MTHFD2L: variants seen among roughly 807,000 people sequenced by gnomAD.
The protein encoded by MTHFD2L is bifunctional methylenetetrahydrofolate dehydrogenase/cyclohydrolase 2, mitochondrial.
In MTHFD2L, 29 loss-of-function variants were observed where a neutral mutation model predicts 34.9. The observed-to-expected ratio is 0.83, with a 90% confidence interval of 0.62 to 1.13. The LOEUF (loss-of-function observed/expected upper bound fraction) is 1.13. Ranked by LOEUF, MTHFD2L falls within the 50% of genes most tolerant of loss-of-function variation. MTHFD2L has a pLI of 0.00. For synonymous variants in MTHFD2L, 167 were observed against 155.7 expected, an observed-to-expected ratio of 1.07 and a Z score of -0.54; for missense variants, 481 against 446.5, an observed-to-expected ratio of 1.08 and a Z score of -0.70.
chr4:74,125,499 T>C (rs1722004710), exon 1 of MTHFD2L: 1 of 152,184 alleles, frequency 6.6e-6, no homozygotes, highest in African/African-American at 2.4e-5. Context: ...AAGAAGGTTG[T>C]GCAGATAGTC....
At chr4:74,194,993 C>T (rs1396916609) in intron 3 of MTHFD2L, 1 of 152,184 alleles carries the variant, frequency 6.6e-6, no homozygotes, top group Non-Finnish European at 1.5e-5. Flanking sequence ...TGAAGTTTTT[C>T]TTTTAACAGT....
chr4:74,121,736 T>G (rs1578212755), upstream of MTHFD2L, among the ~76,000 whole-genome samples: 1 of 147,738 alleles, frequency 6.8e-6, no homozygotes, highest in South Asian at 2.1e-4. Context: ...TGTATAATTA[T>G]ATATTATAAA....
In MTHFD2L at chr4:74,137,861, A is replaced by G. The variant is rs566337911; in HGVS notation, c.-297+12344A>G. The stretch of plus-strand genomic sequence containing the variant: ...AAGAGAAATAAGCCAAGCACAGACA[A>G]ACAAATATGGCATGTTCTTGCTCTT... On this transcript the variant is annotated intron_variant, in intron 1 of 7. Coordinates refer to the MTHFD2L transcript ENST00000433372. Among the ~76,000 whole-genome samples, 3 of 152,282 alleles carry G rather than the reference A, an allele frequency of 2.0e-5. No homozygotes were observed. In the South Asian group the frequency reaches 6.2e-4, roughly 32 times the overall value.
chr4:74,122,318 G>C (rs1039727006), upstream of MTHFD2L, among the ~76,000 whole-genome samples: 1 of 152,146 alleles, frequency 6.6e-6, no homozygotes, highest in Non-Finnish European at 1.5e-5. Flanking sequence ...CATGGTAGAA[G>C]GTGAAGGGGA....
At chr4:74,172,261 C>T (rs1380523972) in intron 1 of MTHFD2L, among the ~76,000 whole-genome samples, 1 of 152,142 alleles carries the variant, frequency 6.6e-6, no homozygotes, top group Non-Finnish European at 1.5e-5. Flanking sequence ...ATTTTCTTGA[C>T]TATAGTGATG....
At chr4:74,260,958 A>T (rs555766167) in intron 6 of MTHFD2L, among the ~76,000 whole-genome samples, 1 of 151,888 alleles carries the variant, frequency 6.6e-6, no homozygotes, top group South Asian at 2.1e-4. Flanking sequence ...TTAAGCTATC[A>T]ATATTTGGTG....
chr4:74,129,603 T>C (rs537663373), intron 1 of MTHFD2L, among the ~76,000 whole-genome samples: 4 of 152,174 alleles, frequency 2.6e-5, no homozygotes, highest in Non-Finnish European at 5.9e-5. Context: ...GGAAAATTTA[T>C]AGCACTAAAT....
At chr4:74,257,462 A>G (rs919535446) in intron 6 of MTHFD2L, among the ~76,000 whole-genome samples, 1 of 152,180 alleles carries the variant, frequency 6.6e-6, no homozygotes, top group East Asian at 1.9e-4. Flanking sequence ...TTGTACCCAA[A>G]AGGGAACAGA....
intron 3 of MTHFD2L, among the ~76,000 whole-genome samples, chr4:74,177,661 T>C (rs1371795): frequency 0.28 from 42,492 of 151,780 alleles, 7,408 homozygotes; most frequent in East Asian, 0.58. Flanking sequence ...GAATGTAAAT[T>C]GGTACAGTCA....
intron 6 of MTHFD2L, among the ~76,000 whole-genome samples, chr4:74,270,572 A>G (rs1449172840): frequency 1.3e-5 from 2 of 152,132 alleles, no homozygotes; most frequent in Admixed American, 6.6e-5. Context: ...GTCTATCATT[A>G]ATGGACATTT....
At chr4:74,284,039 C>A (rs1451819117) in intron 7 of MTHFD2L, among the ~76,000 whole-genome samples, 1 of 152,104 alleles carries the variant, frequency 6.6e-6, no homozygotes, top group Non-Finnish European at 1.5e-5. Context: ...TTCACTATAA[C>A]TATAGCCAAG....
intron 6 of MTHFD2L, among the ~76,000 whole-genome samples, chr4:74,249,816 T>A (rs1312469446): frequency 6.6e-6 from 1 of 152,242 alleles, no homozygotes. Flanking sequence ...GCCCCCACTC[T>A]CTTCTGGCTC....
At chr4:74,118,415 T>C (rs1721692267), upstream of MTHFD2L, among the ~76,000 whole-genome samples, 1 of 152,174 alleles carries the variant, frequency 6.6e-6, no homozygotes, top group Admixed American at 6.5e-5. Context: ...ACTTTTCTTA[T>C]AAAACAAAAT....
rs1318392080 is a variant in MTHFD2L, at chr4:74,158,133, G to A, written c.-6G>A. 3 of 1,530,734 alleles carry A rather than the reference G, an allele frequency of 2.0e-6. No homozygotes were observed. The highest frequency in any genetic ancestry group is 1.4e-5 in the African/African-American group (1 of 72,856). 94.8% of individuals were successfully genotyped at this position (1,530,734 alleles called of 1,614,324 possible). A position where few individuals can be genotyped will look rare whatever the true frequency, so the allele number is the denominator to read the frequency against. ...GCCCCAGTCCGGAAGCCGGGGATCC[G>A]CGGCCATGACGGTGCCGGTCCGCGG... On this transcript the variant is annotated 5_prime_UTR_variant, in exon 1 of 8. Coordinates refer to ENST00000325278, the MANE Select transcript of MTHFD2L (RefSeq NM_001144978.3).
intron 3 of MTHFD2L, among the ~76,000 whole-genome samples, chr4:74,188,669 G>A (rs571660149): frequency 7.2e-6 from 1 of 138,994 alleles, no homozygotes; most frequent in Admixed American, 7.1e-5. Context: ...TAGGATTCTG[G>A]TTTTATAGGT....
chr4:74,272,210 T>C (rs1197388641), intron 6 of MTHFD2L, among the ~76,000 whole-genome samples: 1 of 152,162 alleles, frequency 6.6e-6, no homozygotes, highest in Non-Finnish European at 1.5e-5. Context: ...TTTCAGAGTA[T>C]CAAATTAACA....
At chr4:74,160,318 AT>A in intron 1 of MTHFD2L, 1 of 315,916 alleles carries the variant, frequency 3.2e-6, no homozygotes, top group Non-Finnish European at 6.2e-6. Context: ...ATTTATCACC[AT>A]TTCTGAGCTG....
intron 3 of MTHFD2L, among the ~76,000 whole-genome samples, chr4:74,199,289 G>A (rs1560478026): frequency 6.6e-6 from 1 of 152,016 alleles, no homozygotes; most frequent in African/African-American, 2.4e-5. Context: ...GTGCGTGTGT[G>A]TTTTATATTA....
At chr4:74,201,441 T>G in intron 5 of MTHFD2L, 71 bp downstream of exon 5, 1 of 1,099,082 alleles carries the variant, frequency 9.1e-7, no homozygotes, top group Admixed American at 2.1e-5. Context: ...AGTAAACACT[T>G]TTGATAATGC....
Sources: allele counts gnomAD v4.1 joint callset (sites outside exome capture counted in the v4.1 genomes callset), GRCh38; gene constraint gnomAD v4.1.1; transcripts MANE v1.5; gene names NCBI Gene and HGNC (gene_info 2026-07-23, HGNC 2026-07-21).